NUBPL: variants seen among roughly 807,000 people sequenced by gnomAD.
NUBPL encodes iron-sulfur cluster transfer protein NUBPL.
Under a neutral mutation model 45.7 loss-of-function variants are expected in NUBPL, and 31 were observed. That is an observed-to-expected ratio of 0.68 (90% CI 0.51 to 0.92). NUBPL has a LOEUF of 0.92. Ranked by LOEUF, NUBPL falls within the 40% of genes least tolerant of loss-of-function variation. The pLI, the probability that NUBPL is intolerant of heterozygous loss-of-function variation, is 0.00. For missense variants in NUBPL, 401 were observed against 398.7 expected (o/e 1.01, Z -0.05); for synonymous variants, 144 against 140.9 (o/e 1.02, Z -0.15).
At chr14:31,649,981 T>C (rs571919842) in intron 4 of NUBPL, among the ~76,000 whole-genome samples, 49 of 152,258 alleles carry the variant, frequency 3.2e-4, no homozygotes, top group Non-Finnish European at 5.0e-4. Flanking sequence ...TGCCTCAGCC[T>C]CCTGAGTAGC....
At chr14:31,613,576 G>C (rs1408134759) in intron 4 of NUBPL, among the ~76,000 whole-genome samples, 1 of 151,874 alleles carries the variant, frequency 6.6e-6, no homozygotes, top group Non-Finnish European at 1.5e-5. Context: ...TTCTGTTTCA[G>C]CCTCCTAAGT....
At chr14:31,834,664 G>A (rs1176402540) in intron 8 of NUBPL, among the ~76,000 whole-genome samples, 2 of 152,148 alleles carry the variant, frequency 1.3e-5, no homozygotes, top group African/African-American at 4.8e-5. Context: ...AGAAGTCTAT[G>A]TATGCTTTGA....
chr14:31,626,549 G>A (rs1277092229), intron 4 of NUBPL, among the ~76,000 whole-genome samples: 1 of 152,180 alleles, frequency 6.6e-6, no homozygotes, highest in African/African-American at 2.4e-5. Context: ...ATTGGAAATG[G>A]CAGTAAGTAA....
chr14:31,669,606 TTCC>T (rs1245216914), intron 4 of NUBPL, among the ~76,000 whole-genome samples: 8 of 152,060 alleles, frequency 5.3e-5, no homozygotes, highest in African/African-American at 1.9e-4. Flanking sequence ...TTTTCCTCTC[TTCC>T]TCCTCCGATT....
intron 8 of NUBPL, among the ~76,000 whole-genome samples, chr14:31,841,601 A>G (rs1421654256): frequency 1.3e-5 from 2 of 152,096 alleles, no homozygotes; most frequent in Non-Finnish European, 2.9e-5. Context: ...CTTGAATCAT[A>G]TCTTTTGATT....
intron 6 of NUBPL, among the ~76,000 whole-genome samples, chr14:31,782,981 T>G (rs2039220524): frequency 2.0e-5 from 3 of 152,224 alleles, no homozygotes; most frequent in Admixed American, 2.0e-4. Flanking sequence ...ATTTTGGTCC[T>G]TTCATGGCCA....
At chr14:31,617,693 G>C (rs1294388282) in intron 4 of NUBPL, among the ~76,000 whole-genome samples, 1 of 152,150 alleles carries the variant, frequency 6.6e-6, no homozygotes, top group Non-Finnish European at 1.5e-5. Flanking sequence ...TTTTACTGAG[G>C]AATTTCACAT....
chr14:31,800,510 A>G (rs770005530), intron 7 of NUBPL, among the ~76,000 whole-genome samples: 1 of 152,206 alleles, frequency 6.6e-6, no homozygotes, highest in Admixed American at 6.5e-5. Context: ...ACACACAACC[A>G]CAAAATGTGT....
At chr14:31,573,055 GAAT>G (rs1226549796) in intron 3 of NUBPL, among the ~76,000 whole-genome samples, 6 of 152,194 alleles carry the variant, frequency 3.9e-5, no homozygotes, top group Non-Finnish European at 8.8e-5. Context: ...AGTGGTGAGT[GAAT>G]GTGAAGGCCT....
intron 6 of NUBPL, among the ~76,000 whole-genome samples, chr14:31,717,372 C>T (rs767574593): frequency 1.3e-5 from 2 of 152,092 alleles, no homozygotes; most frequent in South Asian, 2.1e-4. Context: ...ATATTAAGTG[C>T]TCTTGTGTTC....
At chr14:31,850,027 GATTTTGTT>G in intron 9 of NUBPL, 84 bp from the exon 10 acceptor site, 1 of 911,172 alleles carries the variant, frequency 1.1e-6, no homozygotes, top group Non-Finnish European at 1.8e-6. Context: ...ATTTAGTTCC[GATTTTGTT>G]TCTTTCCATA....
At chr14:31,758,974 A>G (rs1476974435) in intron 6 of NUBPL, among the ~76,000 whole-genome samples, 2 of 152,170 alleles carry the variant, frequency 1.3e-5, no homozygotes, top group Non-Finnish European at 2.9e-5. Flanking sequence ...GTTTTACCAT[A>G]GCCAGGTGGA....
chr14:31,640,906 C>T (rs1485792346), intron 4 of NUBPL, among the ~76,000 whole-genome samples: 1 of 151,930 alleles, frequency 6.6e-6, no homozygotes. Context: ...ACTGTAGTCA[C>T]CCTACTGATC....
intron 4 of NUBPL, among the ~76,000 whole-genome samples, chr14:31,650,153 A>G (rs12184972): frequency 0.3 from 45,604 of 152,064 alleles, 7,629 homozygotes; most frequent in South Asian, 0.41. Context: ...CATGTTGTCA[A>G]AAATATTAGC....
intron 6 of NUBPL, among the ~76,000 whole-genome samples, chr14:31,737,394 TG>T (rs1369887021): frequency 1.3e-5 from 2 of 152,346 alleles, no homozygotes; most frequent in East Asian, 3.9e-4. Context: ...AGTGGTATCT[TG>T]GTTATAAATC....
At chr14:31,819,380 A>C (rs1359134516) in intron 7 of NUBPL, among the ~76,000 whole-genome samples, 2 of 152,216 alleles carry the variant, frequency 1.3e-5, no homozygotes, top group Non-Finnish European at 2.9e-5. Flanking sequence ...TGGTGTGCTC[A>C]TAATTGTAAG....
At chr14:31,625,626 C>T (rs1048173202) in intron 4 of NUBPL, among the ~76,000 whole-genome samples, 1 of 151,982 alleles carries the variant, frequency 6.6e-6, no homozygotes, top group Non-Finnish European at 1.5e-5. Flanking sequence ...CAGGGGCATG[C>T]CACCACACCT....
chr14:31,570,428 C>T (rs1175870834), intron 3 of NUBPL, among the ~76,000 whole-genome samples: 4 of 152,110 alleles, frequency 2.6e-5, no homozygotes, highest in Admixed American at 6.6e-5. Context: ...TATTCAGTGT[C>T]AAATATAGTA....
chr14:31,814,514 C>T (rs139258247), intron 7 of NUBPL, among the ~76,000 whole-genome samples: 31 of 152,152 alleles, frequency 2.0e-4, no homozygotes, highest in Non-Finnish European at 4.0e-4. Flanking sequence ...ATTTCTTTTG[C>T]TGTGCAGAAT....
Sources: allele counts gnomAD v4.1 joint callset (sites outside exome capture counted in the v4.1 genomes callset), GRCh38; gene constraint gnomAD v4.1.1; transcripts MANE v1.5; gene names NCBI Gene and HGNC (gene_info 2026-07-23, HGNC 2026-07-21).